MCM3AP: variants seen among roughly 807,000 people sequenced by gnomAD.
MCM3AP encodes the protein minichromosome maintenance complex component 3 associated protein.
A neutral mutation model predicts 184.1 loss-of-function variants in MCM3AP; 126 were observed. That is an observed-to-expected ratio of 0.68 (90% confidence interval 0.59 to 0.79). The LOEUF is 0.79. MCM3AP is among the 30% of genes least tolerant of loss of function. The probability of loss-of-function intolerance (pLI) is 0.00; values close to 1 mark genes in which losing one functional copy is unlikely to be tolerated. For missense variants in MCM3AP, 2,496 were observed against 2,479.2 expected (o/e 1.01, Z -0.14); for synonymous variants, 1,002 against 979.3 (o/e 1.02, Z -0.43).
At chr21:46,254,559 T>C in intron 18 of MCM3AP, 33 bp from the exon 19 acceptor site, 2 of 1,613,146 alleles carry the variant, frequency 1.2e-6, no homozygotes, top group Non-Finnish European at 1.7e-6. Flanking sequence ...GATTAGCCAG[T>C]GTGTGAGACC....
At chr21:46,241,837 C>T (rs2080671801) in intron 25 of MCM3AP, 1 of 152,138 alleles carries the variant, frequency 6.6e-6, no homozygotes, top group Non-Finnish European at 1.5e-5. Flanking sequence ...TTCCGGGAAA[C>T]CAGGAGGTGA....
At chr21:46,279,417 AAGG>A (rs1411964608) in intron 4 of MCM3AP, among the ~76,000 whole-genome samples, 3 of 152,262 alleles carry the variant, frequency 2.0e-5, no homozygotes, top group South Asian at 4.1e-4. Flanking sequence ...TTAGATGAGC[AAGG>A]AGATTTCCTA....
intron 13 of MCM3AP, among the ~76,000 whole-genome samples, chr21:46,263,780 C>CAAAAAAAAAAAAAAAAAAAAAAA (rs57674256): frequency 7.1e-5 from 2 of 28,330 alleles, no homozygotes; most frequent in Non-Finnish European, 1.1e-4. Flanking sequence ...GACTCCATCT[C>CAAAAAAAAAAAAAAAAAAAAAAA]AAAAAAAAAA....
In MCM3AP at chr21:46,241,002, A is replaced by G. The variant is rs778478495; in HGVS notation, c.5442T>C (p.Pro1814=). The G allele has an allele frequency of 1.2e-6, 2 of 1,613,170 alleles. No homozygotes were observed. The highest frequency in any genetic ancestry group is 1.7e-5 in the Admixed American group (1 of 60,024). ...QLREGRLAIK[P]FHPSANNFPI... is the part of the protein sequence containing the mutation. ...GAAAATTGTTTGCAGAAGGATGAAAAGGCTTTATTGCCAAACTGTAAGTAC... is the reference window on the plus strand; with the variant it reads ...GAAAATTGTTTGCAGAAGGATGAAAGGGCTTTATTGCCAAACTGTAAGTAC... The change falls in exon 26 of 28, where the codon CCT becomes CCC. Residue 1814 remains proline, a synonymous_variant. Coordinates refer to ENST00000291688, the MANE Select transcript of MCM3AP (RefSeq NM_003906.5).
chr21:46,261,145 A>AG (rs2081036141), intron 14 of MCM3AP, 135 bp downstream of exon 14: 2 of 1,161,436 alleles, frequency 1.7e-6, no homozygotes, highest in South Asian at 2.8e-5. Flanking sequence ...GCTGAAGCAT[A>AG]GGAGGGCATG....
In MCM3AP at chr21:46,243,643, G is replaced by C; in HGVS notation, c.5118C>G (p.Leu1706=). Residue 1706 remains leucine (L), a synonymous_variant, in exon 24 of 28, where the codon CTC becomes CTG. Transcript: ENST00000291688. The part of the protein sequence containing the change: ...IPSSRQTQPV[L]QSQVENLLHR... ...GGAGCAGGTTCTCCACCTGGGACTG[G>C]AGGACAGGCTGTGTCTGGCGTGAGC... The C allele has an allele frequency of 6.2e-7, 1 of 1,614,236 alleles. No homozygotes were observed. Among genetic ancestry groups the C allele is most frequent in the Non-Finnish European group, 8.5e-7 (1 of 1,180,056 alleles).
At chr21:46,243,165 G>C (rs1489418939) in intron 24 of MCM3AP, among the ~76,000 whole-genome samples, 1 of 152,126 alleles carries the variant, frequency 6.6e-6, no homozygotes, top group East Asian at 1.9e-4. Context: ...ATCACTCAAA[G>C]TCCAGACAAG....
Position 46,284,716 on chromosome 21 carries a change from G to T in MCM3AP, c.571C>A (p.Pro191Thr). The stretch of plus-strand genomic sequence containing the variant: ...CTTGTTACTTGAGGAAAAGAGAAAG[G>T]GGCCAGGCCTCCAGGTGCACTACTA... ...PISSAPGGLA[P>T]FSFPQVTSSS... is the part of the protein sequence containing the mutation. Residue 191 changes from proline to threonine, a missense_variant, in exon 1 of 28, where the codon CCT (proline) becomes ACT (threonine). Pro to Thr is a conservative substitution (Grantham distance 38). Transcript: ENST00000291688. The T allele has an allele frequency of 8.7e-6, 14 of 1,614,088 alleles. No homozygotes were observed. The highest frequency in any genetic ancestry group is 3.3e-5 in the South Asian group (3 of 91,084).
intron 9 of MCM3AP, 117 bp downstream of exon 9, chr21:46,270,284 G>T: frequency 1.0e-6 from 1 of 959,582 alleles, no homozygotes; most frequent in Non-Finnish European, 1.6e-6. Flanking sequence ...GCTGCTGCAA[G>T]GGTGACACAG....
chr21:46,277,736 A>T lies in MCM3AP; in HGVS notation c.1668-19T>A. 6.7e-7 allele frequency: 1 copy of T among 1,487,308 alleles called. No homozygotes were observed. The highest frequency in any genetic ancestry group is 2.5e-5 in the East Asian group (1 of 40,652). The allele number at this position is 1,487,308 out of a possible 1,614,324, so 92.1% of individuals were successfully genotyped here. A position where few individuals can be genotyped will look rare whatever the true frequency, so the allele number is the denominator to read the frequency against. ...TGGAGAGCTATAAAGTAAACACCAC[A>T]CTGAGGGCCCTCGTCCCAGGAAGGC... On this transcript the variant is annotated intron_variant, in intron 4 of 27. Coordinates refer to ENST00000291688, the MANE Select transcript of MCM3AP (RefSeq NM_003906.5).
chr21:46,282,157 CT>C (rs1235493239), intron 2 of MCM3AP, among the ~76,000 whole-genome samples: 2 of 151,766 alleles, frequency 1.3e-5, no homozygotes, highest in East Asian at 1.9e-4. Flanking sequence ...AAAATACAAA[CT>C]TTTTTTAATT....
intron 4 of MCM3AP, 81 bp downstream of exon 4, chr21:46,279,912 T>C: frequency 2.1e-6 from 3 of 1,433,164 alleles, no homozygotes; most frequent in Non-Finnish European, 1.9e-6. Context: ...CCCACAGTCT[T>C]GCACCCTGAC....
intron 17 of MCM3AP, chr21:46,256,498 G>A (rs940088013): frequency 6.8e-6 from 3 of 439,320 alleles, no homozygotes; most frequent in Non-Finnish European, 1.2e-5. Flanking sequence ...AAACTGGGAC[G>A]AGCAGGAAAA....
At chr21:46,281,102 G>A (rs1430961663) in intron 2 of MCM3AP, among the ~76,000 whole-genome samples, 3 of 152,114 alleles carry the variant, frequency 2.0e-5, no homozygotes, top group East Asian at 1.9e-4. Flanking sequence ...CACCGCGCCC[G>A]GCCCCTTTTT....
rs148593702 is a variant in MCM3AP at position 46,238,024 on chromosome 21, C to T, written c.5634-1045G>A. On this transcript the variant is annotated intron_variant, in intron 26 of 27. Coordinates refer to ENST00000291688, the MANE Select transcript of MCM3AP (RefSeq NM_003906.5). ...CTGAGGCAGGAGAACTGCCTGAACCCGGGAGGCGGAGGTTGCAGTGAGCCA... is the reference window on the plus strand; with the variant it reads ...CTGAGGCAGGAGAACTGCCTGAACCTGGGAGGCGGAGGTTGCAGTGAGCCA... 1.5e-3 allele frequency among the ~76,000 whole-genome samples: 159 copies of T among 106,902 alleles called. 35 individuals are homozygous for T. The East Asian group carries it at 0.037, about 25-fold the overall frequency. The allele number at this position is 106,902 out of a possible 152,430, so 70.1% of individuals were successfully genotyped here.
At chr21:46,276,912 ATTAT>A (rs1162667240) in intron 5 of MCM3AP, among the ~76,000 whole-genome samples, 4 of 150,592 alleles carry the variant, frequency 2.7e-5, no homozygotes, top group Non-Finnish European at 4.4e-5. Flanking sequence ...CTGCTTATTT[ATTAT>A]TTATTTATTT....
intron 20 of MCM3AP, chr21:46,251,222 A>G (rs531959509): frequency 2.6e-4 from 52 of 203,180 alleles, no homozygotes; most frequent in African/African-American, 1.0e-3. Flanking sequence ...TCATCTTTAT[A>G]CTTCTTTTAC....
chr21:46,264,289 A>G, intron 12 of MCM3AP, 72 bp from the exon 13 acceptor site: 2 of 971,446 alleles, frequency 2.1e-6, no homozygotes, highest in Non-Finnish European at 3.2e-6. Flanking sequence ...ACATGTTGTC[A>G]CCGGACAGTC....
At position 46,261,371 on chromosome 21, in the gene MCM3AP, T is replaced by C; in HGVS notation, c.3376A>G (p.Thr1126Ala). 2 of 1,614,128 alleles carry C rather than the reference T, an allele frequency of 1.2e-6. No homozygotes were observed. Among genetic ancestry groups the C allele is most frequent in the Non-Finnish European group, 1.7e-6 (2 of 1,180,000 alleles). ...GCAATGTGCCTCAAAATGCCCGTGG[T>C]TGCAGCTGTTAACAAATCCTCCATA... ...AAMEDLLTAA[T>A]TGILRHIAAE... The change falls in exon 14 of 28, where the codon ACC (threonine) becomes GCC (alanine). Residue 1126 changes from threonine to alanine, a missense_variant. This residue lies in a region of MCM3AP where 1,323 missense variants were observed against 1,273.4 expected (regional missense o/e 1.04). Transcript: ENST00000291688.
Sources: allele counts gnomAD v4.1 joint callset (sites outside exome capture counted in the v4.1 genomes callset), GRCh38; gene constraint gnomAD v4.1.1; regional missense constraint gnomAD v4.1.1; transcripts MANE v1.5; gene names NCBI Gene and HGNC (gene_info 2026-07-23, HGNC 2026-07-21).